The following OPCML variants were observed in gnomAD, a reference collection of about 807,000 sequenced individuals.
OPCML encodes the protein opioid binding protein/cell adhesion molecule like.
In OPCML, 13 loss-of-function variants were observed where a neutral mutation model predicts 37.8. The ratio of observed to expected loss-of-function variants is 0.34; its 90% confidence interval spans 0.22 to 0.55. The LOEUF (loss-of-function observed/expected upper bound fraction) is 0.55. Among genes scored for constraint, OPCML ranks in the 20% least tolerant of loss-of-function variants. The pLI, the probability that OPCML is intolerant of heterozygous loss-of-function variation, is 0.91. For missense variants in OPCML, 341 were observed against 435.6 expected, an observed-to-expected ratio of 0.78 and a Z score of 1.93; for synonymous variants, 176 against 168.8, an observed-to-expected ratio of 1.04 and a Z score of -0.33.
chr11:133,119,639 A>C (rs1949390976), intron 1 of OPCML, among the ~76,000 whole-genome samples: 1 of 152,184 alleles, frequency 6.6e-6, no homozygotes, highest in African/African-American at 2.4e-5. Context: ...CAAGGTATAA[A>C]CAGAGTCTTG....
At chr11:132,876,731 G>A (rs548836179) in intron 2 of OPCML, among the ~76,000 whole-genome samples, 2 of 152,154 alleles carry the variant, frequency 1.3e-5, no homozygotes, top group Non-Finnish European at 2.9e-5. Context: ...TGCCCAAAAC[G>A]ATGTGCGGAG....
chr11:133,233,494 A>G (rs1206915838), intron 1 of OPCML, among the ~76,000 whole-genome samples: 2 of 151,800 alleles, frequency 1.3e-5, no homozygotes, highest in African/African-American at 2.4e-5. Flanking sequence ...CAACTAAAAC[A>G]CCCTTAGTGC....
intron 2 of OPCML, among the ~76,000 whole-genome samples, chr11:132,812,092 G>C (rs1939380130): frequency 6.6e-6 from 1 of 152,108 alleles, no homozygotes; most frequent in Non-Finnish European, 1.5e-5. Flanking sequence ...CTGTGCACCA[G>C]CTTCTTCAGG....
chr11:132,844,687 A>G (rs2136311975), intron 2 of OPCML, among the ~76,000 whole-genome samples: 1 of 152,292 alleles, frequency 6.6e-6, no homozygotes, highest in East Asian at 1.9e-4. Flanking sequence ...ATTCTCTGTC[A>G]TCACTATTGA....
intron 3 of OPCML, among the ~76,000 whole-genome samples, chr11:132,569,723 A>G (rs1274850236): frequency 6.6e-6 from 1 of 152,192 alleles, no homozygotes; most frequent in Admixed American, 6.5e-5. Context: ...AAACTATCAG[A>G]GAGAAAAGTT....
intron 1 of OPCML, among the ~76,000 whole-genome samples, chr11:133,103,552 A>G (rs1481719537): frequency 6.6e-6 from 1 of 152,246 alleles, no homozygotes; most frequent in African/African-American, 2.4e-5. Flanking sequence ...AAAAATTACA[A>G]GGTGAAAAGC....
At chr11:132,858,475 G>T (rs1942155789) in intron 2 of OPCML, among the ~76,000 whole-genome samples, 1 of 152,182 alleles carries the variant, frequency 6.6e-6, no homozygotes, top group South Asian at 2.1e-4. Context: ...GCTGAACTCT[G>T]CTGGGAACTA....
chr11:133,417,469 T>A (rs1333068453), intron 1 of OPCML, among the ~76,000 whole-genome samples: 3 of 151,370 alleles, frequency 2.0e-5, no homozygotes, highest in Non-Finnish European at 3.0e-5. Context: ...ATTCTTTTAT[T>A]TATTTATTTA....
chr11:133,311,510 C>A (rs1053756392), intron 1 of OPCML, among the ~76,000 whole-genome samples: 2 of 152,114 alleles, frequency 1.3e-5, no homozygotes, highest in Non-Finnish European at 2.9e-5. Flanking sequence ...AGCTCAGGTA[C>A]AATGGGATGG....
intron 3 of OPCML, among the ~76,000 whole-genome samples, chr11:132,601,009 C>T (rs1413274486): frequency 6.6e-6 from 1 of 151,848 alleles, no homozygotes; most frequent in African/African-American, 2.4e-5. Context: ...TAACATTAAT[C>T]AAATTTGTTT....
chr11:133,193,985 G>A (rs1938427610), intron 1 of OPCML, among the ~76,000 whole-genome samples: 1 of 152,154 alleles, frequency 6.6e-6, no homozygotes. Flanking sequence ...GTTTTCAAAA[G>A]CATGATACTT....
At chr11:133,329,708 A>C (rs1337790379) in intron 1 of OPCML, among the ~76,000 whole-genome samples, 5 of 152,188 alleles carry the variant, frequency 3.3e-5, no homozygotes, top group East Asian at 1.9e-4. Flanking sequence ...TAAAGACTTA[A>C]ATGTTAGACC....
At position 133,191,449 on chromosome 11, in the gene OPCML, T is replaced by C. The variant is rs552056777; in HGVS notation, c.62-248439A>G. On this transcript the variant is annotated intron_variant, in intron 1 of 7. Coordinates refer to ENST00000524381, the MANE Select transcript of OPCML (RefSeq NM_001012393.5). ...AATCATTAGAACAAAATAAATTCTA[T>C]AGTTCTACCTAAGAGTGAAAGTATT... Among the ~76,000 whole-genome samples the C allele has an allele frequency of 1.6e-4, 24 of 152,284 alleles. No individual in the cohort carries two copies. The South Asian group carries it at 5.0e-3, about 32-fold the overall frequency.
At chr11:133,180,111 A>G (rs1937753672) in intron 1 of OPCML, among the ~76,000 whole-genome samples, 1 of 152,242 alleles carries the variant, frequency 6.6e-6, no homozygotes, top group Non-Finnish European at 1.5e-5. Flanking sequence ...GCACTGCTCC[A>G]CGGCTGTGAA....
At chr11:132,767,346 C>T (rs1565847274) in intron 2 of OPCML, among the ~76,000 whole-genome samples, 1 of 152,184 alleles carries the variant, frequency 6.6e-6, no homozygotes, top group Non-Finnish European at 1.5e-5. Context: ...CCTTATTTTA[C>T]ACATGAGTAA....
chr11:132,673,233 G>T (rs200815376), intron 2 of OPCML, among the ~76,000 whole-genome samples: 2 of 152,068 alleles, frequency 1.3e-5, no homozygotes, highest in Admixed American at 6.6e-5. Flanking sequence ...TCCTTAGAAC[G>T]CATGGGTGAA....
chr11:133,234,273 A>AC (rs1011087326), intron 1 of OPCML, among the ~76,000 whole-genome samples: 27 of 152,156 alleles, frequency 1.8e-4, no homozygotes, highest in East Asian at 3.9e-4. Context: ...CAAAAAAAAA[A>AC]CACAGTTTTT....
intron 2 of OPCML, among the ~76,000 whole-genome samples, chr11:132,784,446 C>T (rs545488549): frequency 6.6e-5 from 10 of 152,122 alleles, no homozygotes; most frequent in African/African-American, 1.9e-4. Flanking sequence ...ATTATAAAGC[C>T]CTTCCACTCC....
At chr11:132,553,909 T>A (rs189902179) in intron 3 of OPCML, among the ~76,000 whole-genome samples, 81 of 152,318 alleles carry the variant, frequency 5.3e-4, no homozygotes, top group Admixed American at 1.0e-3. Context: ...AGAGAAAAGA[T>A]ATTAATTTGG....
Sources: gnomAD v4.1 joint callset for allele counts (sites outside exome capture counted in the v4.1 genomes callset) on GRCh38, gnomAD v4.1.1 for gene constraint, MANE v1.5 for transcripts, NCBI Gene and HGNC (gene_info 2026-07-23, HGNC 2026-07-21) for gene names.